Variants in JAKMIP1 observed in about 807,000 individuals in gnomAD.
The protein encoded by JAKMIP1 is janus kinase and microtubule-interacting protein 1.
Under a neutral mutation model 113.0 loss-of-function variants are expected in JAKMIP1, and 33 were observed. That is an observed-to-expected ratio of 0.29 (90% CI 0.22 to 0.39). The LOEUF is 0.39. Ranked by LOEUF, JAKMIP1 falls within the 10% of genes least tolerant of loss-of-function variation. JAKMIP1 has a pLI of 1.00. For missense variants in JAKMIP1, 813 were observed against 1,080.5 expected (o/e 0.75, Z 3.47); for synonymous variants, 480 against 459.9 (o/e 1.04, Z -0.56).
At chr4:6,125,723 C>A (rs1049493230) in intron 1 of JAKMIP1, among the ~76,000 whole-genome samples, 6 of 145,112 alleles carry the variant, frequency 4.1e-5, no homozygotes, top group Admixed American at 6.9e-5. Context: ...TACAGAAACA[C>A]ACACACACAC....
chr4:6,198,300 G>A (rs1728060598), intron 1 of JAKMIP1, among the ~76,000 whole-genome samples: 1 of 134,372 alleles, frequency 7.4e-6, no homozygotes, highest in African/African-American at 2.7e-5. Flanking sequence ...TCAAGGGAGG[G>A]GAGCATTGTT....
chr4:6,096,738 G>C (rs896964956), intron 3 of JAKMIP1, among the ~76,000 whole-genome samples: 1 of 152,194 alleles, frequency 6.6e-6, no homozygotes, highest in African/African-American at 2.4e-5. Context: ...TTACAGATTT[G>C]AGGGTTTTTG....
intron 1 of JAKMIP1, among the ~76,000 whole-genome samples, chr4:6,165,633 G>A (rs1723532146): frequency 6.6e-6 from 1 of 152,202 alleles, no homozygotes; most frequent in Non-Finnish European, 1.5e-5. Context: ...TATGTACATT[G>A]TTGTTTTAGA....
At chr4:6,169,974 C>CACT (rs1724165382) in intron 1 of JAKMIP1, among the ~76,000 whole-genome samples, 1 of 119,560 alleles carries the variant, frequency 8.4e-6, no homozygotes, top group African/African-American at 3.4e-5. Flanking sequence ...CCACCACCAC[C>CACT]ACCACTACCA....
chr4:6,101,387 C>T (rs1445717473), intron 3 of JAKMIP1, among the ~76,000 whole-genome samples: 2 of 152,090 alleles, frequency 1.3e-5, no homozygotes, highest in Non-Finnish European at 2.9e-5. Flanking sequence ...TGTCCACACA[C>T]GTGAAGATGT....
At chr4:6,033,006 C>T (rs1712945307) in intron 19 of JAKMIP1, among the ~76,000 whole-genome samples, 1 of 152,252 alleles carries the variant, frequency 6.6e-6, no homozygotes, top group South Asian at 2.1e-4. Flanking sequence ...TGCTACTGAA[C>T]CCTCAGAGAG....
Position 6,150,178 on chromosome 4 carries a change from T to A in JAKMIP1, c.-147-37181A>T, listed in dbSNP as rs1578390797. 6.6e-6 allele frequency: 1 copy of A among 151,420 alleles called. No individual in the cohort carries two copies. The highest frequency in any genetic ancestry group is 2.5e-5 in the African/African-American group (1 of 40,674). The allele number at this position is 151,420 out of a possible 1,614,324, so 9.4% of individuals were successfully genotyped here. A position where few individuals can be genotyped will look rare whatever the true frequency, so the allele number is the denominator to read the frequency against. ...CCACAGCACAGAACATTCTCCTCCA[T>A]CAGAGAGAGAGAGAGAGAGAAGAAA... On this transcript the variant is annotated intron_variant, in intron 1 of 20. Transcript: ENST00000409021. This position sits in a 1 kb window ranked among gnomAD's most constrained non-coding sequence, Gnocchi z 4.8.
In JAKMIP1 at chr4:6,062,748, G is replaced by C. The variant is rs75581864; in HGVS notation, c.1432-308C>G. ...ACTTGAGTTATGTGGGAGCAGGTGG[G>C]AGAGAAAGGGCTGGTACCATGGAAC... On this transcript the variant is annotated intron_variant, in intron 9 of 20. Transcript: ENST00000409021. 9.9e-3 allele frequency among the ~76,000 whole-genome samples: 1,500 copies of C among 152,284 alleles called. 13 individuals carry two copies. Among genetic ancestry groups the C allele is most frequent in the African/African-American group, 0.03 (1,252 of 41,574 alleles).
In JAKMIP1 at chr4:6,138,355, C is replaced by T. The variant is rs904715712; in HGVS notation, c.-147-25358G>A. On this transcript the variant is annotated intron_variant, in intron 1 of 20. Transcript: ENST00000409021. This position sits in a 1 kb window ranked among gnomAD's most constrained non-coding sequence, Gnocchi z 6.0. ...CTCTGCCTCCTGGGTTCAAGCGATT[C>T]TCCTGCCTCAGCTTTCCAAGTAGCT... is the stretch of plus-strand genomic sequence containing the variant. Among the ~76,000 whole-genome samples the T allele has an allele frequency of 1.3e-5, 2 of 152,138 alleles. No homozygotes were observed. The highest frequency in any genetic ancestry group is 1.3e-4 in the Admixed American group (2 of 15,278).
At chr4:6,109,253 T>C (rs1560200529) in intron 2 of JAKMIP1, among the ~76,000 whole-genome samples, 1 of 150,974 alleles carries the variant, frequency 6.6e-6, no homozygotes, top group Admixed American at 6.6e-5. Context: ...CTGCCTCAGC[T>C]TCCAGAGTAG....
intron 18 of JAKMIP1, among the ~76,000 whole-genome samples, chr4:6,039,323 G>A (rs1431144392): frequency 2.6e-5 from 4 of 152,176 alleles, no homozygotes; most frequent in Non-Finnish European, 5.9e-5. Flanking sequence ...CACTGAACTT[G>A]GCACACCACT....
Position 6,059,065 on chromosome 4 carries a change from A to AGC in JAKMIP1, c.1644+1358_1644+1359insGC, listed in dbSNP as rs1262370030. Among the ~76,000 whole-genome samples the AGC allele has an allele frequency of 3.3e-5, 5 of 152,224 alleles. No homozygotes were observed. The highest frequency in any genetic ancestry group is 7.3e-5 in the Non-Finnish European group (5 of 68,028). On this transcript the variant is annotated intron_variant, in intron 11 of 20. Coordinates refer to ENST00000409021, the MANE Select transcript of JAKMIP1 (RefSeq NM_001099433.2). The surrounding 1 kb of genome is among the most constrained non-coding windows in gnomAD (Gnocchi z 4.8). ...GAGATTATGTTACTTGCCCAAGGTT[A>AGC]TGCAACAAGGAAGTGGCAGAGCTGC...
In JAKMIP1 at chr4:6,040,108, G is replaced by C. The variant is rs556480455; in HGVS notation, c.2175+531C>G. Among the ~76,000 whole-genome samples, 3 of 152,330 alleles carry C rather than the reference G, an allele frequency of 2.0e-5. No individual in the cohort carries two copies. Among genetic ancestry groups the C allele is most frequent in the Admixed American group, 2.0e-4 (3 of 15,310 alleles). ...TCGTGCCAGGAGCACTTAGCTTTGA[G>C]TGTGAGGACACAGGAGTTTGAACAT... On this transcript the variant is annotated intron_variant, in intron 18 of 20. Coordinates refer to ENST00000409021, the MANE Select transcript of JAKMIP1 (RefSeq NM_001099433.2). The surrounding 1 kb of genome is among the most constrained non-coding windows in gnomAD (Gnocchi z 5.8).
In JAKMIP1 at chr4:6,167,086, C is replaced by T. The variant is rs918642679; in HGVS notation, c.-148+33167G>A. ...AACAGTGCCTGGTGCGTAGGGGGTA[C>T]TCAGGGTGGGCTGCTGGTATTATTA... On this transcript the variant is annotated intron_variant, in intron 1 of 20. Transcript: ENST00000409021. The surrounding 1 kb of genome is among the most constrained non-coding windows in gnomAD (Gnocchi z 5.3). Among the ~76,000 whole-genome samples the T allele has an allele frequency of 6.6e-6, 1 of 152,152 alleles. No homozygotes were observed. Among genetic ancestry groups the T allele is most frequent in the African/African-American group, 2.4e-5 (1 of 41,416 alleles).
intron 19 of JAKMIP1, among the ~76,000 whole-genome samples, chr4:6,033,328 G>A (rs1229312214): frequency 6.6e-6 from 1 of 152,204 alleles, no homozygotes; most frequent in Non-Finnish European, 1.5e-5. Flanking sequence ...CAGATCAGAA[G>A]TGGGGTGAGT....
chr4:6,121,890 A>T (rs1716770755), intron 1 of JAKMIP1, among the ~76,000 whole-genome samples: 1 of 152,218 alleles, frequency 6.6e-6, no homozygotes, highest in African/African-American at 2.4e-5. Flanking sequence ...GCCAGCTCTG[A>T]GGTTTGCCAC....
At position 6,178,865 on chromosome 4, in the gene JAKMIP1, G is replaced by C. The variant is rs749782126; in HGVS notation, c.-148+21388C>G. Among the ~76,000 whole-genome samples the C allele has an allele frequency of 6.6e-6, 1 of 152,048 alleles. No individual in the cohort carries two copies. Among genetic ancestry groups the C allele is most frequent in the South Asian group, 2.1e-4 (1 of 4,822 alleles). ...TCAGAGCACCTCGTACTTGATTAAG[G>C]TCCCTCCCTCTTCACATGGGATTGT... is the stretch of plus-strand genomic sequence containing the variant. On this transcript the variant is annotated intron_variant, in intron 1 of 20. Coordinates refer to ENST00000409021, the MANE Select transcript of JAKMIP1 (RefSeq NM_001099433.2). The surrounding 1 kb of genome is among the most constrained non-coding windows in gnomAD (Gnocchi z 5.5).
At chr4:6,054,654 T>A (rs1716108072) in intron 12 of JAKMIP1, 3 of 437,160 alleles carry the variant, frequency 6.9e-6, no homozygotes, top group South Asian at 4.8e-5. Context: ...AGGAGTTCTC[T>A]GAGAGCGCAG....
In JAKMIP1 at chr4:6,065,360, C is replaced by G. The variant is rs1717915849; in HGVS notation, c.1303-352G>C. 1.3e-5 allele frequency among the ~76,000 whole-genome samples: 2 copies of G among 152,250 alleles called. No homozygotes were observed. The highest frequency in any genetic ancestry group is 2.4e-5 in the African/African-American group (1 of 41,468). On this transcript the variant is annotated intron_variant, in intron 8 of 20. Transcript: ENST00000409021. This position sits in a 1 kb window ranked among gnomAD's most constrained non-coding sequence, Gnocchi z 5.1. ...CCTGTGAGCACAAAAGGGGGCCATGCATGCCCTGTGCCCAGAAAGCAGCCC... is the reference window on the plus strand; with the variant it reads ...CCTGTGAGCACAAAAGGGGGCCATGGATGCCCTGTGCCCAGAAAGCAGCCC...
Sources: gnomAD v4.1 joint callset for allele counts (sites outside exome capture counted in the v4.1 genomes callset) on GRCh38, gnomAD v4.1.1 for gene constraint, Gnocchi (gnomAD v3.1) non-coding constraint, MANE v1.5 for transcripts, NCBI Gene and HGNC (gene_info 2026-07-23, HGNC 2026-07-21) for gene names.